Variants in TECPR2 observed in about 807,000 individuals in gnomAD.
TECPR2 encodes the protein tectonin beta-propeller repeat-containing protein 2.
TECPR2 carries 65 observed loss-of-function variants against 138.1 expected under a neutral mutation model. The ratio of observed to expected loss-of-function variants is 0.47; its 90% CI spans 0.39 to 0.58. TECPR2 has a LOEUF of 0.58. TECPR2 is among the 20% of genes least tolerant of loss of function. The pLI, the probability that TECPR2 is intolerant of heterozygous loss-of-function variation, is 0.00. For missense variants in TECPR2, 1,553 were observed against 1,824.5 expected (o/e 0.85, Z 2.71); for synonymous variants, 746 against 749.8 (o/e 0.99, Z 0.08).
rs1462892712 is a variant in TECPR2, at chr14:102,488,416, C to T, written c.3790-8563C>T. ...GTGCAATGGCGCAATCTTGACTCAC[C>T]GCAACCTCTGCCTCCTGGGTTCAAG... On this transcript the variant is annotated intron_variant, in intron 17 of 19. Transcript: ENST00000359520. 4.6e-5 allele frequency among the ~76,000 whole-genome samples: 7 copies of T among 151,088 alleles called. No individual in the cohort carries two copies. In the South Asian group the frequency reaches 6.3e-4, roughly 14 times the overall value.
chr14:102,469,405 T>A (rs951054056), intron 17 of TECPR2, among the ~76,000 whole-genome samples: 1 of 152,190 alleles, frequency 6.6e-6, no homozygotes, highest in African/African-American at 2.4e-5. Context: ...TGTATATTGA[T>A]CTTGTGTCTG....
chr14:102,446,415 A>G (rs1311649345), intron 13 of TECPR2, among the ~76,000 whole-genome samples: 1 of 151,930 alleles, frequency 6.6e-6, no homozygotes, highest in Admixed American at 6.6e-5. Flanking sequence ...CCTGGGCAAC[A>G]TGGTGAAACC....
At chr14:102,404,273 C>T (rs1406887230) in intron 2 of TECPR2, among the ~76,000 whole-genome samples, 1 of 152,028 alleles carries the variant, frequency 6.6e-6, no homozygotes, top group Non-Finnish European at 1.5e-5. Flanking sequence ...CAATTTCTAT[C>T]AAACTCCCAA....
intron 4 of TECPR2, among the ~76,000 whole-genome samples, chr14:102,411,362 T>C (rs1039203208): frequency 2.0e-5 from 3 of 152,234 alleles, no homozygotes; most frequent in African/African-American, 7.2e-5. Context: ...CCAGATGGCC[T>C]GAAGTAACTG....
intron 7 of TECPR2, among the ~76,000 whole-genome samples, chr14:102,428,642 G>C (rs550751633): frequency 6.6e-6 from 1 of 151,654 alleles, no homozygotes; most frequent in Non-Finnish European, 1.5e-5. Flanking sequence ...TGCGCCTGTG[G>C]TCTCAAGTAC....
rs186736752 is a variant in TECPR2 at position 102,431,564 on chromosome 14, G to A, written c.1085-232G>A. The stretch of plus-strand genomic sequence containing the variant: ...TCACTGTGTTAGCCAGGATGGTCTT[G>A]ATCTCCTGACCTTGTGATCCGCCCG... On this transcript the variant is annotated intron_variant, in intron 7 of 19. Coordinates refer to ENST00000359520, the MANE Select transcript of TECPR2 (RefSeq NM_014844.5). Among the ~76,000 whole-genome samples, 211 of 152,164 alleles carry A rather than the reference G, an allele frequency of 1.4e-3. 2 individuals are homozygous for A. The highest frequency in any genetic ancestry group is 4.1e-3 in the African/African-American group (172 of 41,540).
chr14:102,376,133 C>T (rs762348741), intron 1 of TECPR2, among the ~76,000 whole-genome samples: 2 of 152,180 alleles, frequency 1.3e-5, no homozygotes, highest in African/African-American at 4.8e-5. Flanking sequence ...ACACAGCCAG[C>T]ATATCTGCAT....
intron 2 of TECPR2, among the ~76,000 whole-genome samples, chr14:102,377,207 G>A (rs962933698): frequency 2.6e-5 from 4 of 152,182 alleles, no homozygotes; most frequent in African/African-American, 7.2e-5. Context: ...CCAGCCTAGA[G>A]TGCAGTGGGA....
chr14:102,475,130 A>T (rs1201903856), intron 17 of TECPR2, among the ~76,000 whole-genome samples: 4 of 152,326 alleles, frequency 2.6e-5, no homozygotes, highest in Non-Finnish European at 5.9e-5. Flanking sequence ...CCATGGAGCC[A>T]GCTGGAGAGG....
At chr14:102,399,321 A>G (rs1400767382) in intron 2 of TECPR2, among the ~76,000 whole-genome samples, 1 of 152,202 alleles carries the variant, frequency 6.6e-6, no homozygotes, top group Non-Finnish European at 1.5e-5. Flanking sequence ...GGGCTGATAT[A>G]TTCAGAGTGT....
At chr14:102,470,266 C>T (rs898190897) in intron 17 of TECPR2, among the ~76,000 whole-genome samples, 2 of 151,394 alleles carry the variant, frequency 1.3e-5, no homozygotes, top group Non-Finnish European at 2.9e-5. Context: ...GTTTTTTTGA[C>T]TACTGGTTCA....
At chr14:102,371,032 T>G (rs1199311274) in intron 1 of TECPR2, among the ~76,000 whole-genome samples, 2 of 152,214 alleles carry the variant, frequency 1.3e-5, no homozygotes, top group African/African-American at 4.8e-5. Context: ...TAATCCCATT[T>G]CAGATGGTAA....
rs1297286587 is a variant in TECPR2 at position 102,443,624 on chromosome 14, GCTT to G, written c.2753-18_2753-16del. On this transcript the variant is annotated intron_variant, in intron 11 of 19. Coordinates refer to ENST00000359520, the MANE Select transcript of TECPR2 (RefSeq NM_014844.5). The surrounding 1 kb of genome is among the most constrained non-coding windows in gnomAD (Gnocchi z 4.9). ...GGAGTTCTGACTGTGTGTCTTTGGG[GCTT>G]CTTCCCATCTTCCTGGCAGGTCTGA... 1.3e-6 allele frequency: 2 copies of G among 1,529,866 alleles called. No homozygotes were observed. Among genetic ancestry groups the G allele is most frequent in the Non-Finnish European group, 1.8e-6 (2 of 1,124,804 alleles). 94.8% of individuals were successfully genotyped at this position (1,529,866 alleles called of 1,614,324 possible).
intron 2 of TECPR2, among the ~76,000 whole-genome samples, chr14:102,402,921 C>G (rs1292457809): frequency 6.6e-6 from 1 of 152,016 alleles, no homozygotes. Context: ...AAAGAAAAGC[C>G]CTAGACACGA....
chr14:102,376,057 CTT>C (rs556161870), intron 1 of TECPR2, among the ~76,000 whole-genome samples: 364 of 152,276 alleles, frequency 2.4e-3, no homozygotes, highest in Non-Finnish European at 4.0e-3. Flanking sequence ...TGGCTGGACT[CTT>C]GAGCGCTGAG....
intron 8 of TECPR2, among the ~76,000 whole-genome samples, chr14:102,433,028 G>A (rs1373074929): frequency 6.6e-6 from 1 of 151,676 alleles, no homozygotes; most frequent in Non-Finnish European, 1.5e-5. Context: ...AAAAGTGTTG[G>A]TTTATCCATG....
At chr14:102,481,718 A>T (rs182225408) in intron 17 of TECPR2, among the ~76,000 whole-genome samples, 1 of 152,286 alleles carries the variant, frequency 6.6e-6, no homozygotes, top group East Asian at 1.9e-4. Context: ...CTCTCTGGAG[A>T]GTTCCTTTCA....
intron 16 of TECPR2, among the ~76,000 whole-genome samples, chr14:102,460,768 C>T (rs1890389671): frequency 6.7e-6 from 1 of 149,408 alleles, no homozygotes; most frequent in Non-Finnish European, 1.5e-5. Flanking sequence ...GATCTCCGCT[C>T]ACTGCAAGCT....
chr14:102,440,401 T>G, intron 10 of TECPR2, 35 bp from the exon 11 acceptor site: 1 of 1,608,392 alleles, frequency 6.2e-7, no homozygotes, highest in Non-Finnish European at 8.5e-7. Flanking sequence ...ATTCTAGTAT[T>G]TATTGGACAG....
Sources: allele counts gnomAD v4.1 joint callset (sites outside exome capture counted in the v4.1 genomes callset), GRCh38; gene constraint gnomAD v4.1.1; non-coding constraint Gnocchi (gnomAD v3.1); transcripts MANE v1.5; gene names NCBI Gene and HGNC (gene_info 2026-07-23, HGNC 2026-07-21).